TMEM35A: variants seen among roughly 807,000 people sequenced by gnomAD.
The protein encoded by TMEM35A is nicotinic acetylcholine receptor chaperone.
For missense variants in TMEM35A, 83 were observed against 132.7 expected, an observed-to-expected ratio of 0.63 and a Z score of 1.84; for synonymous variants, 50 against 54.7, an observed-to-expected ratio of 0.91 and a Z score of 0.38.
intron 1 of TMEM35A, among the ~76,000 whole-genome samples, chrX:101,090,547 C>T (rs2089321187): frequency 9.1e-6 from 1 of 109,894 alleles, no homozygotes; most frequent in African/African-American, 3.3e-5. Flanking sequence ...AATGACCATC[C>T]ATTCTCTATC....
chrX:101,079,144 T>A, intron 1 of TMEM35A, 22 bp downstream of exon 1: 1 of 1,208,979 alleles, frequency 8.3e-7, no homozygotes, highest in Non-Finnish European at 1.1e-6. Flanking sequence ...AAACGGGTGA[T>A]GAGGAGCGCA....
At chrX:101,079,748 G>A (rs1318372840) in intron 1 of TMEM35A, among the ~76,000 whole-genome samples, 1 of 111,660 alleles carries the variant, frequency 9.0e-6, no homozygotes, top group East Asian at 2.8e-4. Flanking sequence ...AGAGCTAGAT[G>A]TTTTGTTTTA....
chrX:101,088,499 C>T (rs2089313946), intron 1 of TMEM35A, among the ~76,000 whole-genome samples: 1 of 111,587 alleles, frequency 9.0e-6, no homozygotes, highest in Non-Finnish European at 1.9e-5. Flanking sequence ...GCCTGTAGGC[C>T]CAGCTAACTC....
Position 101,085,880 on chromosome X carries a change from T to C in TMEM35A, c.120+6758T>C, listed in dbSNP as rs868392413. On this transcript the variant is annotated intron_variant, in intron 1 of 1. Coordinates refer to ENST00000372930, the MANE Select transcript of TMEM35A (RefSeq NM_021637.3). ...TGAACCCAGGAGGTAGAGGTTGCAG[T>C]GAGCCAAGATCGCGCCACTGCACTC... Among the ~76,000 whole-genome samples, 63 of 110,417 alleles carry C rather than the reference T, an allele frequency of 5.7e-4. 1 individual carries two copies. The highest frequency in any genetic ancestry group is 2.3e-3 in the South Asian group (6 of 2,572).
At chrX:101,085,600 C>CA (rs2089304816) in intron 1 of TMEM35A, among the ~76,000 whole-genome samples, 1 of 106,257 alleles carries the variant, frequency 9.4e-6, no homozygotes, top group African/African-American at 3.6e-5. Flanking sequence ...GAATCCATCT[C>CA]AAAAAAAGAA....
chrX:101,079,002 C>T lies in TMEM35A; in HGVS notation c.-1C>T. The T allele has an allele frequency of 1.7e-6, 2 of 1,211,651 alleles. No individual in the cohort carries two copies. The highest frequency in any genetic ancestry group is 1.8e-5 in the South Asian group (1 of 56,969). On this transcript the variant is annotated 5_prime_UTR_variant, in exon 1 of 2. Transcript: ENST00000372930. The stretch of plus-strand genomic sequence containing the variant: ...TAGTTGGGACCTGCCTTGGCGACCC[C>T]ATGGCATCCCCCAGAACCGTAACTA...
chrX:101,085,329 G>T (rs749778469), intron 1 of TMEM35A, among the ~76,000 whole-genome samples: 2 of 111,925 alleles, frequency 1.8e-5, no homozygotes, highest in South Asian at 3.7e-4. Flanking sequence ...GGCTGGGCGC[G>T]GTCGCTCACG....
chrX:101,080,647 C>T (rs1389352312), intron 1 of TMEM35A, among the ~76,000 whole-genome samples: 1 of 106,083 alleles, frequency 9.4e-6, no homozygotes, highest in Non-Finnish European at 1.9e-5. Context: ...GAGGTTGGGA[C>T]AGAGGGACAG....
chrX:101,087,183 C>G (rs955213363), intron 1 of TMEM35A, among the ~76,000 whole-genome samples: 1 of 110,881 alleles, frequency 9.0e-6, no homozygotes, highest in African/African-American at 3.3e-5. Flanking sequence ...CTCGAACTCC[C>G]AACCTCAGGT....
chrX:101,084,387 G>A (rs2089300780), intron 1 of TMEM35A, among the ~76,000 whole-genome samples: 2 of 110,619 alleles, frequency 1.8e-5, no homozygotes, highest in African/African-American at 6.6e-5. Context: ...GTTTAAGATA[G>A]CAACCAGGCT....
intron 1 of TMEM35A, among the ~76,000 whole-genome samples, chrX:101,088,175 G>A (rs2089312990): frequency 9.0e-6 from 1 of 111,688 alleles, no homozygotes; most frequent in South Asian, 3.7e-4. Context: ...TCCAGCCTGG[G>A]TGACAGAGCC....
intron 1 of TMEM35A, among the ~76,000 whole-genome samples, chrX:101,085,160 C>T (rs2089303411): frequency 8.9e-6 from 1 of 111,820 alleles, no homozygotes; most frequent in Non-Finnish European, 1.9e-5. Flanking sequence ...GTCCTGTTAG[C>T]TGGCTTGGGC....
At position 101,078,953 on chromosome X, in the gene TMEM35A, AGC is replaced by A. The variant is rs1253512428; in HGVS notation, c.-48_-47del. The stretch of plus-strand genomic sequence containing the variant: ...TGCTAACTGCCTGCACCTTGGACAG[AGC>A]GGGTGCGCAAATCAGAAGGATTAGT... On this transcript the variant is annotated 5_prime_UTR_variant, in exon 1 of 2. Transcript: ENST00000372930. 1 of 1,206,953 alleles carries A rather than the reference AGC, an allele frequency of 8.3e-7. No individual in the cohort carries two copies.
At position 101,085,700 on chromosome X, in the gene TMEM35A, G is replaced by A. The variant is rs1000382303; in HGVS notation, c.120+6578G>A. Among the ~76,000 whole-genome samples, 87 of 110,659 alleles carry A rather than the reference G, an allele frequency of 7.9e-4. 4 individuals are homozygous for A. Among genetic ancestry groups the A allele is most frequent in the Non-Finnish European group, 4.7e-4 (25 of 52,737 alleles). ...TCCCAGCACTTTGGGAGGCTGAGGC[G>A]GGCGGATCACGAGGTCAAGAGATTG... On this transcript the variant is annotated intron_variant, in intron 1 of 1. Transcript: ENST00000372930.
intron 1 of TMEM35A, 70 bp downstream of exon 1, chrX:101,079,192 T>G: frequency 8.7e-7 from 1 of 1,147,293 alleles, no homozygotes; most frequent in Non-Finnish European, 1.2e-6. Flanking sequence ...CCTTTTTTCC[T>G]TCTCAGTTTC....
intron 1 of TMEM35A, among the ~76,000 whole-genome samples, chrX:101,085,625 A>T (rs182006775): frequency 4.0e-3 from 393 of 98,186 alleles, no homozygotes; most frequent in African/African-American, 0.019. Flanking sequence ...ATAATAAATT[A>T]AAAAAATTAA....
At chrX:101,079,228 C>T (rs1473404073) in intron 1 of TMEM35A, 106 bp downstream of exon 1, 4 of 938,128 alleles carry the variant, frequency 4.3e-6, no homozygotes, top group Middle Eastern at 5.6e-4. Context: ...AGCCCCTATC[C>T]CCACCTGGAC....
At chrX:101,090,283 G>T (rs1372022117) in intron 1 of TMEM35A, among the ~76,000 whole-genome samples, 1 of 106,632 alleles carries the variant, frequency 9.4e-6, no homozygotes, top group African/African-American at 3.5e-5. Flanking sequence ...CTCCCGGATA[G>T]CTGGGATTAC....
chrX:101,087,487 A>T (rs2089310837), intron 1 of TMEM35A, among the ~76,000 whole-genome samples: 1 of 112,285 alleles, frequency 8.9e-6, no homozygotes, highest in Admixed American at 9.5e-5. Context: ...GAAAGAAGCA[A>T]CAGCGGCATA....
Sources: gnomAD v4.1 joint callset for allele counts (sites outside exome capture counted in the v4.1 genomes callset) on GRCh38, gnomAD v4.1.1 for gene constraint, MANE v1.5 for transcripts, NCBI Gene and HGNC (gene_info 2026-07-23, HGNC 2026-07-21) for gene names.